Variants in ABCC4 observed in about 807,000 individuals in gnomAD.
ABCC4 encodes ATP-binding cassette sub-family C member 4.
Under a neutral mutation model 168.5 loss-of-function variants are expected in ABCC4, and 102 were observed. The ratio of observed to expected loss-of-function variants is 0.61; its 90% CI spans 0.52 to 0.71. The LOEUF is 0.71. ABCC4 is among the 30% of genes least tolerant of loss of function. The probability of loss-of-function intolerance (pLI) is 0.00; values close to 1 mark genes in which losing one functional copy is unlikely to be tolerated. For synonymous variants in ABCC4, 617 were observed against 590.7 expected (o/e 1.04, Z -0.65); for missense variants, 1,402 against 1,605.8 (o/e 0.87, Z 2.17).
Position 95,268,948 on chromosome 13 carries a change from C to G in ABCC4, c.75-21195G>C, listed in dbSNP as rs2040764936. Among the ~76,000 whole-genome samples the G allele has an allele frequency of 2.0e-5, 3 of 152,228 alleles. No homozygotes were observed. In the South Asian group the frequency reaches 6.2e-4, roughly 32 times the overall value. The stretch of plus-strand genomic sequence containing the variant: ...CTGTGTCTCTTTCTTTTCTCAGTCT[C>G]TCGTCCCACCCGATGAGAAACACCC... On this transcript the variant is annotated intron_variant, in intron 1 of 30. Coordinates refer to ENST00000645237, the MANE Select transcript of ABCC4 (RefSeq NM_005845.5).
At chr13:95,088,505 A>G (rs893728461) in intron 20 of ABCC4, among the ~76,000 whole-genome samples, 1 of 152,228 alleles carries the variant, frequency 6.6e-6, no homozygotes, top group African/African-American at 2.4e-5. Context: ...AAACTTCAAG[A>G]GACAGATATT....
In ABCC4 at chr13:95,195,509, C is replaced by T. The variant is rs193155778; in HGVS notation, c.1162-572G>A. ...AACTGGCCTTCTCCTCCCTCGTGCA[C>T]GTCAAATTGACATACAACTTAATTC... On this transcript the variant is annotated intron_variant, in intron 8 of 30. Coordinates refer to ENST00000645237, the MANE Select transcript of ABCC4 (RefSeq NM_005845.5). Among the ~76,000 whole-genome samples the T allele has an allele frequency of 5.3e-5, 8 of 152,280 alleles. No homozygotes were observed. The East Asian group carries it at 7.7e-4, about 15-fold the overall frequency.
intron 19 of ABCC4, among the ~76,000 whole-genome samples, chr13:95,148,542 G>A (rs2036569086): frequency 6.6e-6 from 1 of 150,904 alleles, no homozygotes; most frequent in African/African-American, 2.4e-5. Flanking sequence ...TTATTGTGGT[G>A]GGACAAGCTA....
chr13:95,177,631 G>A (rs1021211981), intron 13 of ABCC4, 76 bp downstream of exon 13: 3 of 1,206,298 alleles, frequency 2.5e-6, no homozygotes, highest in Non-Finnish European at 3.6e-6. Flanking sequence ...TGAGCTGAAA[G>A]CCATAAAGGC....
intron 27 of ABCC4, among the ~76,000 whole-genome samples, chr13:95,049,715 G>C (rs2032749109): frequency 6.6e-6 from 1 of 152,028 alleles, no homozygotes; most frequent in Admixed American, 6.6e-5. Context: ...CCATAGGACT[G>C]TCTCCCTCCA....
Position 95,044,276 on chromosome 13 carries a change from C to T in ABCC4, c.3619G>A (p.Val1207Met). Residue 1207 changes from valine (V) to methionine (M), a missense_variant, in exon 28 of 31, where the codon GTG becomes ATG. This residue lies in a region of ABCC4 where 1,007 missense variants were observed against 1,127.3 expected (regional missense o/e 0.89). Transcript: ENST00000645237. The part of the protein sequence containing the change: ...ILIIDEATAN[V>M]DPRTDELIQK... ...ACCTCAGCTTTATACCTTGGATCCA[C>T]ATTTGCCGTCGCTTCATCAATAATC... The T allele has an allele frequency of 6.2e-7, 1 of 1,611,650 alleles. No homozygotes were observed. The highest frequency in any genetic ancestry group is 8.5e-7 in the Non-Finnish European group (1 of 1,178,914).
intron 3 of ABCC4, among the ~76,000 whole-genome samples, chr13:95,245,098 A>G (rs114328894): frequency 0.011 from 1,663 of 152,156 alleles, 30 homozygotes; most frequent in African/African-American, 0.038. Flanking sequence ...AGCTTACCCA[A>G]ATCTCACTGT....
At chr13:95,281,983 G>A (rs1177699523) in intron 1 of ABCC4, among the ~76,000 whole-genome samples, 4 of 151,896 alleles carry the variant, frequency 2.6e-5, no homozygotes, top group East Asian at 1.9e-4. Flanking sequence ...AGCACGCACC[G>A]GTAGTCCCAG....
At chr13:95,169,950 G>A (rs191547088) in intron 14 of ABCC4, among the ~76,000 whole-genome samples, 2 of 152,112 alleles carry the variant, frequency 1.3e-5, no homozygotes, top group South Asian at 2.1e-4. Flanking sequence ...TCCGCCTCCC[G>A]GGTTCAAGTG....
chr13:95,262,985 T>C (rs910220067), intron 1 of ABCC4, among the ~76,000 whole-genome samples: 1 of 152,178 alleles, frequency 6.6e-6, no homozygotes, highest in East Asian at 1.9e-4. Flanking sequence ...ACTGTCCTTC[T>C]TGTGGGCTGT....
chr13:95,273,386 G>A (rs2040890802), intron 1 of ABCC4, among the ~76,000 whole-genome samples: 1 of 152,168 alleles, frequency 6.6e-6, no homozygotes, highest in Non-Finnish European at 1.5e-5. Flanking sequence ...ACACCCTCTA[G>A]GCCATGGCTT....
chr13:95,131,385 T>C (rs553798220), intron 19 of ABCC4, among the ~76,000 whole-genome samples: 2 of 152,218 alleles, frequency 1.3e-5, no homozygotes, highest in African/African-American at 2.4e-5. Flanking sequence ...CCTAACACTT[T>C]TGGAGGCTGA....
At chr13:95,121,863 T>C (rs771214435) in intron 19 of ABCC4, among the ~76,000 whole-genome samples, 1 of 152,128 alleles carries the variant, frequency 6.6e-6, no homozygotes, top group Non-Finnish European at 1.5e-5. Context: ...TTACATCCAT[T>C]GGGACCTTCA....
At chr13:95,182,240 C>T (rs1337278861) in intron 11 of ABCC4, among the ~76,000 whole-genome samples, 6 of 152,100 alleles carry the variant, frequency 3.9e-5, no homozygotes, top group African/African-American at 1.4e-4. Flanking sequence ...AGGAATGTGG[C>T]AAATATGAGA....
intron 6 of ABCC4, 81 bp from the exon 7 acceptor site, chr13:95,208,006 C>A: frequency 1.3e-6 from 2 of 1,513,562 alleles, no homozygotes; most frequent in African/African-American, 1.4e-5. Context: ...CAGGGACCTG[C>A]ATCACATGGT....
intron 19 of ABCC4, among the ~76,000 whole-genome samples, chr13:95,157,120 AC>A (rs1270969546): frequency 6.9e-6 from 1 of 145,030 alleles, no homozygotes. Flanking sequence ...ACACACACAC[AC>A]ACACACACAA....
At chr13:95,096,215 G>T in intron 20 of ABCC4, 1 of 625,476 alleles carries the variant, frequency 1.6e-6, no homozygotes, top group South Asian at 1.9e-5. Context: ...TCAATGGGCT[G>T]GCAGCAGATT....
intron 20 of ABCC4, among the ~76,000 whole-genome samples, chr13:95,097,590 T>TTC (rs2034646982): frequency 9.1e-6 from 1 of 110,396 alleles, no homozygotes; most frequent in South Asian, 3.2e-4. Context: ...AGAATATACA[T>TTC]TCTTTTTTTT....
intron 28 of ABCC4, 50 bp downstream of exon 28, chr13:95,044,216 T>G (rs12875235): frequency 0.12 from 182,283 of 1,487,688 alleles, 12,713 homozygotes; most frequent in Admixed American, 0.18. Context: ...TGTTTCCCAT[T>G]TACACACTTA....
Sources: gnomAD v4.1 joint callset for allele counts (sites outside exome capture counted in the v4.1 genomes callset) on GRCh38, gnomAD v4.1.1 for gene constraint, gnomAD v4.1.1 regional missense constraint, MANE v1.5 for transcripts, NCBI Gene and HGNC (gene_info 2026-07-23, HGNC 2026-07-21) for gene names.